Variants in MARCHF1 observed in about 807,000 individuals in gnomAD.
The protein encoded by MARCHF1 is E3 ubiquitin-protein ligase MARCHF1.
In MARCHF1, 40 loss-of-function variants were observed where a neutral mutation model predicts 54.2. That is an observed-to-expected ratio of 0.74 (90% CI 0.57 to 0.96). The LOEUF (loss-of-function observed/expected upper bound fraction) is 0.96. Ranked by LOEUF, MARCHF1 falls within the 40% of genes least tolerant of loss-of-function variation. The probability of loss-of-function intolerance (pLI) is 0.00; values close to 1 mark genes in which losing one functional copy is unlikely to be tolerated. For synonymous variants in MARCHF1, 236 were observed against 236.3 expected (o/e 1.00, Z 0.01); for missense variants, 586 against 656.5 (o/e 0.89, Z 1.17).
chr4:163,779,601 G>C (rs1407683809), intron 4 of MARCHF1, among the ~76,000 whole-genome samples: 1 of 152,146 alleles, frequency 6.6e-6, no homozygotes, highest in African/African-American at 2.4e-5. Flanking sequence ...TTGCTTAAGA[G>C]AGGATGTTTG....
At chr4:163,771,733 G>A (rs150393309) in intron 4 of MARCHF1, among the ~76,000 whole-genome samples, 20 of 152,110 alleles carry the variant, frequency 1.3e-4, no homozygotes, top group Admixed American at 1.3e-3. Context: ...ACAAGTTTCT[G>A]AGCACTGCTC....
At chr4:163,853,874 C>T in intron 4 of MARCHF1, 147 bp downstream of exon 4, 1 of 554,350 alleles carries the variant, frequency 1.8e-6, no homozygotes, top group Non-Finnish European at 2.8e-6. Context: ...ACTAACTAAC[C>T]AAATCTATAT....
chr4:163,850,218 GT>G (rs1171485393), intron 4 of MARCHF1, among the ~76,000 whole-genome samples: 1 of 152,140 alleles, frequency 6.6e-6, no homozygotes, highest in Non-Finnish European at 1.5e-5. Context: ...AAATAGAGAA[GT>G]GCACCCCCTT....
At chr4:163,583,619 A>C (rs1461943632) in intron 8 of MARCHF1, 1 of 149,506 alleles carries the variant, frequency 6.7e-6, no homozygotes, top group East Asian at 2.0e-4. Context: ...TTGCTGTGAC[A>C]CATTCATTAT....
intron 1 of MARCHF1, among the ~76,000 whole-genome samples, chr4:164,335,229 C>A (rs72991327): frequency 1.3e-5 from 2 of 152,104 alleles, no homozygotes; most frequent in East Asian, 3.9e-4. Context: ...GCAACACATG[C>A]TGCAGAGAAA....
In MARCHF1 at chr4:163,530,731, G is replaced by A. The variant is rs552811499; in HGVS notation, c.1340-1685C>T. ...TAGTTTTTGAGTAGATTAAATATAT[G>A]CAATCAAATTTATTAGAACCTTTAC... On this transcript the variant is annotated intron_variant, in intron 9 of 9. Transcript: ENST00000514618. 2.6e-5 allele frequency: 4 copies of A among 151,972 alleles called. No homozygotes were observed. The South Asian group carries it at 8.3e-4, about 31-fold the overall frequency. The allele number at this position is 151,972 out of a possible 1,614,324, so 9.4% of individuals were successfully genotyped here. A position where few individuals can be genotyped will look rare whatever the true frequency, so the allele number is the denominator to read the frequency against.
At chr4:163,649,207 A>C (rs1742876260) in intron 5 of MARCHF1, among the ~76,000 whole-genome samples, 2 of 151,986 alleles carry the variant, frequency 1.3e-5, no homozygotes, top group Non-Finnish European at 2.9e-5. Context: ...CATTAAAATG[A>C]ATAGATTCTC....
chr4:164,135,606 G>A (rs1207189773), intron 1 of MARCHF1: 1 of 152,100 alleles, frequency 6.6e-6, no homozygotes, highest in Non-Finnish European at 1.5e-5. Flanking sequence ...AGAACATGGG[G>A]GAAAGGCCCC....
At chr4:164,176,978 C>CA (rs1553989374) in intron 1 of MARCHF1, among the ~76,000 whole-genome samples, 463 of 38,588 alleles carry the variant, frequency 0.012, 20 homozygotes, top group Middle Eastern at 0.015. Context: ...CTCTCTCTCT[C>CA]TCTATATATA....
rs146586404 is a variant in MARCHF1 at position 164,375,154 on chromosome 4, G to T, written c.-323+8716C>A. ...TCATTAAAACCTAAATACAAAAGCT[G>T]ATTCCAGAATGAATAATTAAATGTG... On this transcript the variant is annotated intron_variant, in intron 1 of 9. Transcript: ENST00000514618. Among the ~76,000 whole-genome samples, 15 of 152,210 alleles carry T rather than the reference G, an allele frequency of 9.9e-5. No individual in the cohort carries two copies. The East Asian group carries it at 2.1e-3, about 22-fold the overall frequency.
At chr4:164,196,356 A>T (rs1731257826) in intron 1 of MARCHF1, among the ~76,000 whole-genome samples, 2 of 152,030 alleles carry the variant, frequency 1.3e-5, no homozygotes, top group Non-Finnish European at 2.9e-5. Context: ...ACATGCTATT[A>T]AAATAAAATT....
At chr4:163,720,497 T>C (rs534094336) in intron 4 of MARCHF1, among the ~76,000 whole-genome samples, 4 of 152,138 alleles carry the variant, frequency 2.6e-5, no homozygotes, top group Non-Finnish European at 5.9e-5. Flanking sequence ...CTTAAGATTG[T>C]CTTGGCAATG....
intron 1 of MARCHF1, among the ~76,000 whole-genome samples, chr4:164,140,804 G>A (rs1041202038): frequency 1.3e-5 from 2 of 151,948 alleles, no homozygotes; most frequent in African/African-American, 2.4e-5. Context: ...GTTGTCAAGA[G>A]TGACTCATGC....
At chr4:163,973,265 G>A (rs114535354) in intron 3 of MARCHF1, among the ~76,000 whole-genome samples, 1,876 of 152,294 alleles carry the variant, frequency 0.012, 41 homozygotes, top group African/African-American at 0.043. Context: ...ATACTTTTGG[G>A]TTATTTACAT....
chr4:164,175,482 G>A (rs1730639810), intron 1 of MARCHF1, among the ~76,000 whole-genome samples: 1 of 152,088 alleles, frequency 6.6e-6, no homozygotes, highest in Non-Finnish European at 1.5e-5. Flanking sequence ...CATTATGATA[G>A]TTAATTCTAT....
chr4:164,005,953 G>C (rs905900695), intron 2 of MARCHF1, among the ~76,000 whole-genome samples: 2 of 152,090 alleles, frequency 1.3e-5, no homozygotes, highest in African/African-American at 4.8e-5. Context: ...AAGCAATAAA[G>C]ATTTCCCAAG....
rs533700568 is a variant in MARCHF1 at position 164,293,111 on chromosome 4, T to A, written c.-323+90759A>T. Among the ~76,000 whole-genome samples, 748 of 152,246 alleles carry A rather than the reference T, an allele frequency of 4.9e-3. 6 individuals are homozygous for A. Among genetic ancestry groups the A allele is most frequent in the Middle Eastern group, 0.024 (7 of 294 alleles). On this transcript the variant is annotated intron_variant, in intron 1 of 9. Transcript: ENST00000514618. ...TATTTGAACATGAAAAACAAAATCA[T>A]AAATTTCTATATAATAGTAATTGTT... is the stretch of plus-strand genomic sequence containing the variant.
intron 4 of MARCHF1, among the ~76,000 whole-genome samples, chr4:163,757,756 AT>A (rs1179876320): frequency 1.3e-5 from 2 of 152,174 alleles, no homozygotes; most frequent in African/African-American, 4.8e-5. Context: ...TTAAGAATTT[AT>A]TTCATATTTG....
chr4:163,591,313 A>T (rs1400695622), intron 7 of MARCHF1, among the ~76,000 whole-genome samples: 1 of 151,962 alleles, frequency 6.6e-6, no homozygotes, highest in Non-Finnish European at 1.5e-5. Flanking sequence ...GCCTCATCTA[A>T]ATTAAGACTC....
Sources: allele counts gnomAD v4.1 joint callset (sites outside exome capture counted in the v4.1 genomes callset), GRCh38; gene constraint gnomAD v4.1.1; transcripts MANE v1.5; gene names NCBI Gene and HGNC (gene_info 2026-07-23, HGNC 2026-07-21).